SORCS2: variants seen among roughly 807,000 people sequenced by gnomAD.
The protein encoded by SORCS2 is sortilin related VPS10 domain containing receptor 2, also known as VPS10 domain-containing receptor SorCS2.
In SORCS2, 100 loss-of-function variants were observed where a neutral mutation model predicts 141.6. That is an observed-to-expected ratio of 0.71 (90% confidence interval 0.60 to 0.83). The LOEUF (loss-of-function observed/expected upper bound fraction) is 0.83, where lower values mean the gene tolerates loss of function less well. Among genes scored for constraint, SORCS2 ranks in the 40% least tolerant of loss-of-function variants. SORCS2 has a pLI of 0.00. For missense variants in SORCS2, 1,646 were observed against 1,560.2 expected, an observed-to-expected ratio of 1.05 and a Z score of -0.93; for synonymous variants, 789 against 676.9, an observed-to-expected ratio of 1.17 and a Z score of -2.57.
intron 1 of SORCS2, among the ~76,000 whole-genome samples, chr4:7,338,108 ATGT>A (rs760252658): frequency 7.3e-3 from 289 of 39,686 alleles, no homozygotes; most frequent in South Asian, 0.034. Context: ...TGTTGGATGG[ATGT>A]TGGATGGATG....
chr4:7,299,474 A>T (rs1717294105), intron 1 of SORCS2, among the ~76,000 whole-genome samples: 1 of 152,234 alleles, frequency 6.6e-6, no homozygotes, highest in South Asian at 2.1e-4. Flanking sequence ...CTGGAACATC[A>T]AAGAACAGCT....
intron 1 of SORCS2, among the ~76,000 whole-genome samples, chr4:7,271,669 CT>C (rs1275762263): frequency 6.6e-6 from 1 of 152,226 alleles, no homozygotes; most frequent in Non-Finnish European, 1.5e-5. Context: ...GGTGCGTTTG[CT>C]GTGGTGTCCT....
chr4:7,335,655 A>G (rs1209981804), intron 1 of SORCS2, among the ~76,000 whole-genome samples: 1 of 152,226 alleles, frequency 6.6e-6, no homozygotes, highest in Non-Finnish European at 1.5e-5. Flanking sequence ...CTCCACGCAC[A>G]CAGCCCCTTC....
At chr4:7,586,378 A>G (rs1014765357) in intron 3 of SORCS2, among the ~76,000 whole-genome samples, 1 of 152,188 alleles carries the variant, frequency 6.6e-6, no homozygotes, top group Non-Finnish European at 1.5e-5. Flanking sequence ...CAGGTTTGTT[A>G]CATAGGTAAA....
intron 4 of SORCS2, among the ~76,000 whole-genome samples, chr4:7,639,725 G>C (rs1298280073): frequency 6.6e-6 from 1 of 151,808 alleles, no homozygotes; most frequent in African/African-American, 2.4e-5. Flanking sequence ...ACCTGTGAGT[G>C]GGTGTGGGTG....
intron 3 of SORCS2, among the ~76,000 whole-genome samples, chr4:7,608,568 C>T (rs528739643): frequency 5.3e-5 from 8 of 152,212 alleles, no homozygotes; most frequent in Non-Finnish European, 1.0e-4. Flanking sequence ...GCATCCCACA[C>T]AGGCTCCCAG....
chr4:7,316,528 T>A (rs1281185621), intron 1 of SORCS2, among the ~76,000 whole-genome samples: 1 of 152,226 alleles, frequency 6.6e-6, no homozygotes, highest in Admixed American at 6.5e-5. Context: ...TTGGCTCTCA[T>A]GTCGTCATTA....
rs1486536070 is a variant in SORCS2, at chr4:7,737,060, G to C, written c.3312-9G>C. 1.9e-6 allele frequency: 3 copies of C among 1,550,870 alleles called. No individual in the cohort carries two copies. Among genetic ancestry groups the C allele is most frequent in the Non-Finnish European group, 2.6e-6 (3 of 1,146,878 alleles). ...TCCAAGCTGAGCCGCCCTTGCCTCT[G>C]TCCAGCAGGAAACGGCCAGGCAGGA... On this transcript the variant is annotated splice_polypyrimidine_tract_variant and intron_variant, in intron 25 of 26. Transcript: ENST00000507866.
chr4:7,193,141 C>A lies in SORCS2; in HGVS notation c.480+15C>A, dbSNP rs1726949747. 5.3e-6 allele frequency: 8 copies of A among 1,504,284 alleles called. No homozygotes were observed. The highest frequency in any genetic ancestry group is 4.4e-6 in the Non-Finnish European group (5 of 1,136,152). The allele number at this position is 1,504,284 out of a possible 1,614,324, so 93.2% of individuals were successfully genotyped here. On this transcript the variant is annotated intron_variant, in intron 1 of 26. Transcript: ENST00000507866. The surrounding 1 kb of genome is among the most constrained non-coding windows in gnomAD (Gnocchi z 4.8). ...AGAACAGCAGCGTAAGTGACCTCCA[C>A]GCGCTCGCCGCGGCCCCTACCCGGG...
intron 11 of SORCS2, 76 bp downstream of exon 11, chr4:7,689,664 G>C: frequency 7.2e-7 from 1 of 1,384,214 alleles, no homozygotes; most frequent in Non-Finnish European, 9.9e-7. Context: ...AGGGTAAAAA[G>C]GGATGGTCAT....
chr4:7,376,274 TA>T lies in SORCS2; in HGVS notation c.481-19998del, dbSNP rs34885541. Among the ~76,000 whole-genome samples the T allele has an allele frequency of 2.6e-3, 387 of 147,904 alleles. 2 individuals are homozygous for T. The highest frequency in any genetic ancestry group is 5.3e-3 in the African/African-American group (214 of 40,354). On this transcript the variant is annotated intron_variant, in intron 1 of 26. Coordinates refer to ENST00000507866, the MANE Select transcript of SORCS2 (RefSeq NM_020777.3). Reference sequence around the variant, plus strand: ...GAAAAGCTGGAAAATATGCAAAGAGTAAAAAAAAAAAAAAAATACTGGCTGG... The same window carrying T: ...GAAAAGCTGGAAAATATGCAAAGAGTAAAAAAAAAAAAAAATACTGGCTGG...
intron 3 of SORCS2, among the ~76,000 whole-genome samples, chr4:7,545,759 G>C (rs1327372639): frequency 6.6e-6 from 1 of 152,238 alleles, no homozygotes; most frequent in Non-Finnish European, 1.5e-5. Context: ...GATTTATAAA[G>C]TAAACCTTCT....
At chr4:7,724,136 G>GTGGTGGTGA (rs1726813575) in intron 19 of SORCS2, among the ~76,000 whole-genome samples, 1 of 127,688 alleles carries the variant, frequency 7.8e-6, no homozygotes, top group African/African-American at 2.8e-5. Flanking sequence ...GGTGGTGGTG[G>GTGGTGGTGA]TGGTGATGGT....
chr4:7,582,089 C>T lies in SORCS2; in HGVS notation c.648+50460C>T, dbSNP rs138417027. 7.2e-3 allele frequency among the ~76,000 whole-genome samples: 1,092 copies of T among 152,250 alleles called. 11 individuals are homozygous for T. The highest frequency in any genetic ancestry group is 0.025 in the African/African-American group (1,025 of 41,520). The stretch of plus-strand genomic sequence containing the variant: ...ATTTGGCCATTTTTGTGGTCACCTA[C>T]CACTTATTGGAGACATATTATATTC... On this transcript the variant is annotated intron_variant, in intron 3 of 26. Coordinates refer to ENST00000507866, the MANE Select transcript of SORCS2 (RefSeq NM_020777.3).
At chr4:7,523,284 A>G (rs1379622587) in intron 2 of SORCS2, among the ~76,000 whole-genome samples, 1 of 152,054 alleles carries the variant, frequency 6.6e-6, no homozygotes, top group African/African-American at 2.4e-5. Context: ...TAGTGCTTAG[A>G]CTCAAATACT....
chr4:7,254,015 A>G (rs1713679603), intron 1 of SORCS2, among the ~76,000 whole-genome samples: 1 of 152,242 alleles, frequency 6.6e-6, no homozygotes, highest in Non-Finnish European at 1.5e-5. Context: ...TTAAAAAGAC[A>G]AAAAGTAACA....
intron 2 of SORCS2, among the ~76,000 whole-genome samples, chr4:7,467,360 C>T (rs1243991780): frequency 6.6e-6 from 1 of 152,164 alleles, no homozygotes; most frequent in Admixed American, 6.5e-5. Flanking sequence ...TTCTTGGGGC[C>T]CTGGGATGAG....
At chr4:7,548,346 A>C (rs372770740) in intron 3 of SORCS2, among the ~76,000 whole-genome samples, 2 of 152,188 alleles carry the variant, frequency 1.3e-5, no homozygotes, top group South Asian at 2.1e-4. Flanking sequence ...TGCTCTGGCC[A>C]AGCCTGAGGT....
chr4:7,474,686 G>A (rs1217330098), intron 2 of SORCS2, among the ~76,000 whole-genome samples: 2 of 152,202 alleles, frequency 1.3e-5, no homozygotes, highest in Non-Finnish European at 2.9e-5. Context: ...AACACCCTGG[G>A]GAGCCTCGTG....
Sources: gnomAD v4.1 joint callset for allele counts (sites outside exome capture counted in the v4.1 genomes callset) on GRCh38, gnomAD v4.1.1 for gene constraint, Gnocchi (gnomAD v3.1) non-coding constraint, MANE v1.5 for transcripts, NCBI Gene and HGNC (gene_info 2026-07-23, HGNC 2026-07-21) for gene names.